STPG2: variants seen among roughly 807,000 people sequenced by gnomAD.
STPG2 encodes the protein sperm-tail PG-rich repeat-containing protein 2.
A neutral mutation model predicts 54.2 loss-of-function variants in STPG2; 56 were observed. The observed-to-expected ratio is 1.03, with a 90% CI of 0.83 to 1.29. STPG2 has a LOEUF of 1.29. STPG2 is among the 50% of genes most tolerant of loss of function. The pLI is 0.00. For missense variants in STPG2, 596 were observed against 544.9 expected (o/e 1.09, Z -0.93); for synonymous variants, 200 against 181.8 (o/e 1.10, Z -0.81).
chr4:97,472,677 G>A (rs1334359807), intron 4 of STPG2, among the ~76,000 whole-genome samples: 1 of 152,124 alleles, frequency 6.6e-6, no homozygotes, highest in Non-Finnish European at 1.5e-5. Flanking sequence ...AAAATTAAAT[G>A]AGCTACCAAG....
At position 98,143,137 on chromosome 4, in the gene STPG2, G is replaced by A; in HGVS notation, c.14C>T (p.Ala5Val). MYDR[A>V]PRLLKLAEGG... ...TTCAGCCAATTTGAGCAGGCGGGGA[G>A]CCCGATCATACATAGTGCTCGGGGT... The change falls in exon 1 of 11, where the codon GCT (alanine) becomes GTT (valine). Residue 5 changes from alanine to valine, a missense_variant. Transcript: ENST00000295268. 1 of 1,613,578 alleles carries A rather than the reference G, an allele frequency of 6.2e-7. No homozygotes were observed. The highest frequency in any genetic ancestry group is 1.1e-5 in the South Asian group (1 of 90,932).
At chr4:97,898,967 T>A (rs973558350) in intron 8 of STPG2, among the ~76,000 whole-genome samples, 1 of 151,506 alleles carries the variant, frequency 6.6e-6, no homozygotes, top group Non-Finnish European at 1.5e-5. Context: ...AAAGTCCTAG[T>A]CAGAGCAATC....
At chr4:98,138,604 C>T (rs1189368146) in intron 1 of STPG2, among the ~76,000 whole-genome samples, 3 of 152,068 alleles carry the variant, frequency 2.0e-5, no homozygotes, top group Non-Finnish European at 2.9e-5. Flanking sequence ...ATGTACTCAT[C>T]TTCAGGACAA....
chr4:97,775,897 G>A (rs1365136903), intron 9 of STPG2, among the ~76,000 whole-genome samples: 1 of 152,050 alleles, frequency 6.6e-6, no homozygotes, highest in Non-Finnish European at 1.5e-5. Flanking sequence ...GGGTACCTGG[G>A]ATTACAGGTA....
At chr4:97,791,847 A>G (rs1401511574) in intron 9 of STPG2, among the ~76,000 whole-genome samples, 1 of 152,146 alleles carries the variant, frequency 6.6e-6, no homozygotes, top group African/African-American at 2.4e-5. Flanking sequence ...TGATGAAACC[A>G]CCATAGCTAT....
At chr4:97,791,756 A>G (rs1459078026) in intron 9 of STPG2, among the ~76,000 whole-genome samples, 2 of 152,052 alleles carry the variant, frequency 1.3e-5, no homozygotes, top group African/African-American at 4.8e-5. Context: ...GATGATCTCA[A>G]TATACAGGAG....
Position 97,639,253 on chromosome 4 carries a change from C to T in STPG2, c.1320+73446G>A, listed in dbSNP as rs531990942. Among the ~76,000 whole-genome samples the T allele has an allele frequency of 4.2e-3, 634 of 151,810 alleles. 4 individuals carry two copies. The highest frequency in any genetic ancestry group is 0.021 in the South Asian group (99 of 4,806). On this transcript the variant is annotated intron_variant, in intron 10 of 10. Transcript: ENST00000295268. The stretch of plus-strand genomic sequence containing the variant: ...AGTAAACTATCGCAAGAACAAAACC[C>T]GAACACCGCATATTCTCACTCATAG...
At chr4:97,504,188 TTATTTAAATATTTA>T (rs1730798840) in intron 4 of STPG2, among the ~76,000 whole-genome samples, 1 of 146,620 alleles carries the variant, frequency 6.8e-6, no homozygotes, top group South Asian at 2.1e-4. Flanking sequence ...TATTTTATTT[TTATTTAAATATTTA>T]TATTTAAATA....
chr4:98,000,560 C>T (rs1294677534), intron 5 of STPG2, among the ~76,000 whole-genome samples: 1 of 152,048 alleles, frequency 6.6e-6, no homozygotes, highest in African/African-American at 2.4e-5. Flanking sequence ...TGCATAATTG[C>T]AACGTAAATT....
chr4:97,504,664 A>G (rs772999031), intron 4 of STPG2, among the ~76,000 whole-genome samples: 3 of 152,116 alleles, frequency 2.0e-5, no homozygotes, highest in South Asian at 2.1e-4. Context: ...CATCTGAAAC[A>G]TAGGAAAACA....
chr4:98,049,445 AC>A (rs1308526541), intron 5 of STPG2, among the ~76,000 whole-genome samples: 4 of 152,206 alleles, frequency 2.6e-5, no homozygotes, highest in Admixed American at 2.6e-4. Flanking sequence ...TGTAAAAAGA[AC>A]CCAGGAGCTA....
chr4:97,726,997 T>C (rs541270904), intron 9 of STPG2, among the ~76,000 whole-genome samples: 2 of 152,048 alleles, frequency 1.3e-5, no homozygotes, highest in South Asian at 4.1e-4. Flanking sequence ...TAAAACTATA[T>C]GTTCTGTAGA....
intron 3 of STPG2, among the ~76,000 whole-genome samples, chr4:98,121,764 T>C (rs1739687424): frequency 6.6e-6 from 1 of 152,018 alleles, no homozygotes; most frequent in South Asian, 2.1e-4. Context: ...ACTCTGTCAC[T>C]AGGCTGGAGT....
intron 4 of STPG2, among the ~76,000 whole-genome samples, chr4:97,473,509 T>C (rs1288684329): frequency 6.6e-6 from 1 of 152,128 alleles, no homozygotes; most frequent in African/African-American, 2.4e-5. Flanking sequence ...GACCGGTTGC[T>C]CTCAAACCCT....
chr4:97,908,242 C>G (rs1731526414), intron 8 of STPG2, among the ~76,000 whole-genome samples: 2 of 152,086 alleles, frequency 1.3e-5, no homozygotes, highest in Non-Finnish European at 2.9e-5. Flanking sequence ...GACATTTATG[C>G]AGCCAAAAAA....
chr4:97,880,793 C>A (rs1209260765), intron 8 of STPG2, among the ~76,000 whole-genome samples: 7 of 151,914 alleles, frequency 4.6e-5, no homozygotes, highest in Admixed American at 4.6e-4. Flanking sequence ...AATTGAAGAG[C>A]AGGATTGAAT....
intron 4 of STPG2, among the ~76,000 whole-genome samples, chr4:97,452,359 GGT>G (rs1286047295): frequency 6.6e-6 from 1 of 152,146 alleles, no homozygotes; most frequent in Non-Finnish European, 1.5e-5. Flanking sequence ...CAGATTCCTG[GGT>G]GGAATGGGGC....
chr4:97,631,043 TAAC>T (rs1209690150), intron 10 of STPG2, among the ~76,000 whole-genome samples: 5 of 151,910 alleles, frequency 3.3e-5, no homozygotes, highest in African/African-American at 7.2e-5. Flanking sequence ...CTGAAAATGA[TAAC>T]AAGACACACA....
chr4:97,895,269 CA>C (rs1349898039), intron 8 of STPG2, among the ~76,000 whole-genome samples: 2 of 151,754 alleles, frequency 1.3e-5, no homozygotes, highest in African/African-American at 2.4e-5. Flanking sequence ...TAAAACATGA[CA>C]AAGGAAACAA....
Sources: gnomAD v4.1 joint callset for allele counts (sites outside exome capture counted in the v4.1 genomes callset) on GRCh38, gnomAD v4.1.1 for gene constraint, MANE v1.5 for transcripts, NCBI Gene and HGNC (gene_info 2026-07-23, HGNC 2026-07-21) for gene names.